EFL1: variants seen among roughly 807,000 people sequenced by gnomAD.
EFL1 encodes the protein elongation factor like GTPase 1, also known as elongation factor-like GTPase 1.
In EFL1, 76 loss-of-function variants were observed where a neutral mutation model predicts 126.7. The ratio of observed to expected loss-of-function variants is 0.60; its 90% confidence interval spans 0.50 to 0.73. The LOEUF (loss-of-function observed/expected upper bound fraction) is 0.73. EFL1 is among the 30% of genes least tolerant of loss of function. The pLI is 0.00. For missense variants in EFL1, 1,128 were observed against 1,343.2 expected, an observed-to-expected ratio of 0.84 and a Z score of 2.50; for synonymous variants, 410 against 448.4, an observed-to-expected ratio of 0.91 and a Z score of 1.08.
intron 7 of EFL1, among the ~76,000 whole-genome samples, chr15:82,237,149 C>T (rs1325809805): frequency 6.6e-6 from 1 of 152,000 alleles, no homozygotes; most frequent in African/African-American, 2.4e-5. Context: ...TCTCAAAAAA[C>T]AAAACAAAAC....
chr15:82,186,671 A>G (rs1322364933), intron 15 of EFL1, among the ~76,000 whole-genome samples: 1 of 152,206 alleles, frequency 6.6e-6, no homozygotes, highest in Non-Finnish European at 1.5e-5. Context: ...TTTCCTGAAA[A>G]TTTAGCAATC....
intron 15 of EFL1, among the ~76,000 whole-genome samples, chr15:82,211,441 G>A (rs867206332): frequency 5.3e-5 from 8 of 151,158 alleles, no homozygotes; most frequent in East Asian, 1.9e-4. Flanking sequence ...CAGAAGAATC[G>A]CTTGAACCTG....
At chr15:82,251,154 G>T (rs2075017800) in intron 4 of EFL1, among the ~76,000 whole-genome samples, 1 of 152,196 alleles carries the variant, frequency 6.6e-6, no homozygotes, top group Non-Finnish European at 1.5e-5. Context: ...AGAGGCTGCA[G>T]TGAGCTGAGA....
chr15:82,173,697 G>T (rs1730885116), intron 15 of EFL1, among the ~76,000 whole-genome samples: 1 of 151,932 alleles, frequency 6.6e-6, no homozygotes, highest in East Asian at 1.9e-4. Context: ...AACTTTAAAT[G>T]CATAAATAAA....
At chr15:82,146,058 A>G (rs1006684138) in intron 18 of EFL1, among the ~76,000 whole-genome samples, 1 of 152,118 alleles carries the variant, frequency 6.6e-6, no homozygotes, top group Admixed American at 6.5e-5. Context: ...TTTCATGAGT[A>G]AAAAATGATA....
intron 15 of EFL1, among the ~76,000 whole-genome samples, chr15:82,186,623 T>A (rs1760879351): frequency 6.6e-6 from 1 of 152,230 alleles, no homozygotes. Flanking sequence ...TGTGATTTAA[T>A]CTTTAATAAT....
intron 4 of EFL1, among the ~76,000 whole-genome samples, chr15:82,250,024 T>C (rs1447967149): frequency 3.3e-5 from 5 of 152,074 alleles, no homozygotes; most frequent in African/African-American, 7.3e-5. Context: ...AAGAGGGCAT[T>C]CGAAGTGGGT....
intron 3 of EFL1, among the ~76,000 whole-genome samples, chr15:82,253,508 A>G (rs1292823164): frequency 6.6e-6 from 1 of 152,128 alleles, no homozygotes; most frequent in Non-Finnish European, 1.5e-5. Flanking sequence ...GCCGTGAATG[A>G]TGGGGCAGGT....
chr15:82,258,374 C>T (rs1177371994), intron 3 of EFL1, among the ~76,000 whole-genome samples: 1 of 152,064 alleles, frequency 6.6e-6, no homozygotes, highest in African/African-American at 2.4e-5. Context: ...GCCTAGGGAA[C>T]ATGGCAAAAC....
chr15:82,181,960 G>A (rs1245695954), intron 15 of EFL1, among the ~76,000 whole-genome samples: 1 of 152,094 alleles, frequency 6.6e-6, no homozygotes, highest in East Asian at 1.9e-4. Context: ...ATTGCATTTA[G>A]TTCAAAAAAT....
chr15:82,152,240 C>A lies in EFL1; in HGVS notation c.2214G>T (p.Gly738=). Residue 738 remains glycine, a synonymous_variant, in exon 18 of 20, where the codon GGG becomes GGT. Coordinates refer to ENST00000268206, the MANE Select transcript of EFL1 (RefSeq NM_024580.6). ...IPEGIQVDSD[G]LITITTPNKL... is the part of the protein sequence containing the mutation. Reference sequence around the variant, plus strand: ...TATTGGGAGTTGTTATGGTGATTAGCCCGTCAGAGTCAACTTGGATTCCTT... The same window carrying A: ...TATTGGGAGTTGTTATGGTGATTAGACCGTCAGAGTCAACTTGGATTCCTT... The A allele has an allele frequency of 6.2e-7, 1 of 1,614,180 alleles. No homozygotes were observed. Among genetic ancestry groups the A allele is most frequent in the Non-Finnish European group, 8.5e-7 (1 of 1,180,032 alleles).
At chr15:82,133,856 C>T (rs991207362) in intron 19 of EFL1, among the ~76,000 whole-genome samples, 7 of 152,004 alleles carry the variant, frequency 4.6e-5, no homozygotes, top group Admixed American at 3.3e-4. Context: ...CTGCAATGAG[C>T]GAGAAGAACC....
chr15:82,195,106 A>G (rs1215322134), intron 15 of EFL1, among the ~76,000 whole-genome samples: 1 of 152,176 alleles, frequency 6.6e-6, no homozygotes, highest in Non-Finnish European at 1.5e-5. Flanking sequence ...ACAATTTTAT[A>G]TTTTAGCATA....
chr15:82,134,788 C>A (rs2141208667), intron 19 of EFL1, among the ~76,000 whole-genome samples: 1 of 152,318 alleles, frequency 6.6e-6, no homozygotes, highest in South Asian at 2.1e-4. Flanking sequence ...AGCTCCTTTT[C>A]TTCCTTTTTC....
At position 82,238,181 on chromosome 15, in the gene EFL1, ACT is replaced by A. The variant is rs1287606246; in HGVS notation, c.731+124_731+125del. The A allele has an allele frequency of 6.6e-5, 67 of 1,020,658 alleles. 2 individuals carry two copies. The Admixed American group carries it at 1.3e-3, about 20-fold the overall frequency. The allele number at this position is 1,020,658 out of a possible 1,614,324, so 63.2% of individuals were successfully genotyped here. A position where few individuals can be genotyped will look rare whatever the true frequency, so the allele number is the denominator to read the frequency against. ...GTTACTGGGTAAAGGGCACCAGAGA[ACT>A]CTCTGCATTATCTCTTACAACTATA... On this transcript the variant is annotated intron_variant, in intron 7 of 19. Transcript: ENST00000268206.
intron 7 of EFL1, among the ~76,000 whole-genome samples, chr15:82,232,971 T>C (rs1348967842): frequency 3.3e-5 from 5 of 152,186 alleles, no homozygotes; most frequent in African/African-American, 9.7e-5. Context: ...TTTTATAATA[T>C]GTCAGATAAA....
At chr15:82,182,819 C>T (rs530062931) in intron 15 of EFL1, among the ~76,000 whole-genome samples, 9 of 148,294 alleles carry the variant, frequency 6.1e-5, no homozygotes, top group South Asian at 2.1e-4. Flanking sequence ...AGCCAGACTC[C>T]GTCTCAAAAA....
intron 15 of EFL1, among the ~76,000 whole-genome samples, chr15:82,176,663 C>T (rs1257693416): frequency 6.6e-6 from 1 of 152,090 alleles, no homozygotes; most frequent in Non-Finnish European, 1.5e-5. Context: ...AAAGCAAAAA[C>T]AAGTATGGAC....
At chr15:82,226,586 A>C (rs1334405007) in intron 11 of EFL1, among the ~76,000 whole-genome samples, 3 of 152,188 alleles carry the variant, frequency 2.0e-5, no homozygotes, top group African/African-American at 7.2e-5. Context: ...TAAGATAAAA[A>C]GTCCAGTTGG....
Sources: gnomAD v4.1 joint callset for allele counts (sites outside exome capture counted in the v4.1 genomes callset) on GRCh38, gnomAD v4.1.1 for gene constraint, MANE v1.5 for transcripts, NCBI Gene and HGNC (gene_info 2026-07-23, HGNC 2026-07-21) for gene names.